GALNT13: variants seen among roughly 807,000 people sequenced by gnomAD.
GALNT13 encodes the protein UDP-GalNAc:polypeptide N-acetylgalactosaminyltransferase 13.
GALNT13 carries 28 observed loss-of-function variants against 64.2 expected under a neutral mutation model. The ratio of observed to expected loss-of-function variants is 0.44; its 90% CI spans 0.32 to 0.60. The LOEUF (loss-of-function observed/expected upper bound fraction) is 0.60. Among genes scored for constraint, GALNT13 ranks in the 20% least tolerant of loss-of-function variants. The pLI is 0.05. For missense variants in GALNT13, 577 were observed against 669.8 expected (o/e 0.86, Z 1.53); for synonymous variants, 214 against 224.6 (o/e 0.95, Z 0.42).
chr2:153,227,167 G>T, the GALNT13 span, among the ~76,000 whole-genome samples: 2 of 152,164 alleles, frequency 1.3e-5, no homozygotes, highest in Non-Finnish European at 1.5e-5. Context: ...AATGAAATTT[G>T]CCAGAGGGAA....
chr2:154,149,067 A>C (rs979290499), intron 4 of GALNT13, among the ~76,000 whole-genome samples: 31 of 152,148 alleles, frequency 2.0e-4, no homozygotes, highest in African/African-American at 6.5e-4. Flanking sequence ...TTAGGTCTAA[A>C]GTTTAAGTCT....
chr2:153,478,725 A>C, the GALNT13 span: 2 of 639,424 alleles, frequency 3.1e-6, no homozygotes, highest in Non-Finnish European at 5.4e-6. Flanking sequence ...GGAGTTTCCC[A>C]GGAGCCTCTC....
At chr2:154,305,806 A>T (rs1228781339) in intron 9 of GALNT13, among the ~76,000 whole-genome samples, 1 of 152,202 alleles carries the variant, frequency 6.6e-6, no homozygotes, top group Admixed American at 6.5e-5. Flanking sequence ...ACATGGGCAA[A>T]CCATCATCAC....
chr2:153,069,153 T>C, the GALNT13 span, among the ~76,000 whole-genome samples: 1 of 152,208 alleles, frequency 6.6e-6, no homozygotes, highest in South Asian at 2.1e-4. Context: ...CCAGGAGATG[T>C]GTGCTGCCTT....
At chr2:153,940,447 G>A (rs1180391923) in intron 2 of GALNT13, among the ~76,000 whole-genome samples, 2 of 151,708 alleles carry the variant, frequency 1.3e-5, no homozygotes, top group Admixed American at 6.6e-5. Context: ...AATAGAGACC[G>A]GGTTTTGCCA....
At chr2:154,018,239 A>G (rs1052486822) in intron 3 of GALNT13, among the ~76,000 whole-genome samples, 3 of 152,178 alleles carry the variant, frequency 2.0e-5, no homozygotes, top group African/African-American at 7.2e-5. Flanking sequence ...TACTATTCCA[A>G]TTGCTATTTA....
intron 11 of GALNT13, among the ~76,000 whole-genome samples, chr2:154,419,926 C>T (rs1012417007): frequency 1.3e-5 from 2 of 151,910 alleles, no homozygotes; most frequent in Non-Finnish European, 2.9e-5. Context: ...CACCATCATC[C>T]CATGCATAAC....
chr2:153,193,076 G>A, the GALNT13 span, among the ~76,000 whole-genome samples: 1 of 151,598 alleles, frequency 6.6e-6, no homozygotes, highest in South Asian at 2.1e-4. Flanking sequence ...CTTTATTATT[G>A]CTTATCTTTA....
chr2:153,427,464 G>A, the GALNT13 span, among the ~76,000 whole-genome samples: 2 of 151,726 alleles, frequency 1.3e-5, no homozygotes, highest in African/African-American at 4.8e-5. Flanking sequence ...ATAGAAGGAA[G>A]GGGAAAAATT....
At chr2:153,611,679 C>CTT in the GALNT13 span, among the ~76,000 whole-genome samples, 2,585 of 104,266 alleles carry the variant, frequency 0.025, 73 homozygotes, top group African/African-American at 0.032. Flanking sequence ...ACATTTTTAC[C>CTT]TTTTTTTTTT....
chr2:154,447,891 G>A (rs1701675064), intron 12 of GALNT13, among the ~76,000 whole-genome samples: 2 of 152,002 alleles, frequency 1.3e-5, no homozygotes, highest in Admixed American at 1.3e-4. Flanking sequence ...GCCAAAAAAG[G>A]AAGCTTAGGC....
At chr2:154,181,472 A>T (rs1685955144) in intron 4 of GALNT13, among the ~76,000 whole-genome samples, 1 of 152,102 alleles carries the variant, frequency 6.6e-6, no homozygotes, top group South Asian at 2.1e-4. Flanking sequence ...TTTAGGTTTT[A>T]TTACTTGATT....
the GALNT13 span, among the ~76,000 whole-genome samples, chr2:153,095,763 C>T: frequency 1.1e-4 from 17 of 152,096 alleles, no homozygotes; most frequent in Non-Finnish European, 1.8e-4. Flanking sequence ...TGGAAACCAT[C>T]ATTCTCAGCA....
chr2:153,732,171 A>G, the GALNT13 span, among the ~76,000 whole-genome samples: 2 of 152,002 alleles, frequency 1.3e-5, no homozygotes, highest in African/African-American at 4.8e-5. Context: ...ATAAATTTAT[A>G]TATCCTAAAT....
chr2:153,834,622 C>A, the GALNT13 span, among the ~76,000 whole-genome samples: 1 of 151,958 alleles, frequency 6.6e-6, no homozygotes, highest in Non-Finnish European at 1.5e-5. Context: ...TTTTTTAATA[C>A]TTTAGTGGAG....
intron 9 of GALNT13, among the ~76,000 whole-genome samples, chr2:154,342,986 G>A (rs1695859690): frequency 6.6e-6 from 1 of 152,006 alleles, no homozygotes; most frequent in Admixed American, 6.6e-5. Context: ...TACATTGCAA[G>A]CATTGTATTT....
chr2:153,696,187 C>A, the GALNT13 span, among the ~76,000 whole-genome samples: 1 of 152,128 alleles, frequency 6.6e-6, no homozygotes, highest in Non-Finnish European at 1.5e-5. Flanking sequence ...CCAAGAGCCC[C>A]TAGCAAACTA....
chr2:154,093,856 T>G (rs544436587), intron 3 of GALNT13, among the ~76,000 whole-genome samples: 9 of 151,780 alleles, frequency 5.9e-5, no homozygotes, highest in African/African-American at 2.2e-4. Context: ...TTGCTCTAAG[T>G]ATATTCTCCC....
At chr2:154,264,402 C>T (rs1189303360) in intron 8 of GALNT13, among the ~76,000 whole-genome samples, 2 of 150,482 alleles carry the variant, frequency 1.3e-5, no homozygotes, top group Non-Finnish European at 1.5e-5. Flanking sequence ...AGGCAGATCA[C>T]CTGAGGTTAG....
Sources: gnomAD v4.1 joint callset for allele counts (sites outside exome capture counted in the v4.1 genomes callset) on GRCh38, gnomAD v4.1.1 for gene constraint, MANE v1.5 for transcripts, NCBI Gene and HGNC (gene_info 2026-07-23, HGNC 2026-07-21) for gene names.